Variants in CCDC60 observed in about 807,000 individuals in gnomAD.
CCDC60 encodes coiled-coil domain containing 60.
Under a neutral mutation model 63.5 loss-of-function variants are expected in CCDC60, and 54 were observed. That is an observed-to-expected ratio of 0.85 (90% CI 0.68 to 1.07). The LOEUF (loss-of-function observed/expected upper bound fraction) is 1.07, where lower values mean the gene tolerates loss of function less well. Among genes scored for constraint, CCDC60 ranks in the 50% least tolerant of loss-of-function variants. The pLI, the probability that CCDC60 is intolerant of heterozygous loss-of-function variation, is 0.00. For synonymous variants in CCDC60, 206 were observed against 238.8 expected (o/e 0.86, Z 1.27); for missense variants, 651 against 684.3 (o/e 0.95, Z 0.54).
chr12:119,397,054 T>C (rs746613568), intron 1 of CCDC60, among the ~76,000 whole-genome samples: 2 of 152,138 alleles, frequency 1.3e-5, no homozygotes, highest in Non-Finnish European at 2.9e-5. Context: ...TTACAGCTCT[T>C]AAAGGCAGGG....
At chr12:119,431,493 C>A (rs906250175) in intron 2 of CCDC60, among the ~76,000 whole-genome samples, 19 of 152,168 alleles carry the variant, frequency 1.2e-4, no homozygotes, top group Non-Finnish European at 2.1e-4. Context: ...ATCTTAGAAG[C>A]GGTTTAGGGA....
chr12:119,465,141 C>T (rs183215730), intron 2 of CCDC60, among the ~76,000 whole-genome samples: 43 of 151,970 alleles, frequency 2.8e-4, no homozygotes, highest in Admixed American at 2.6e-3. Context: ...GAAACCCCGT[C>T]TCTACTAAAA....
intron 1 of CCDC60, among the ~76,000 whole-genome samples, chr12:119,416,839 G>A (rs546436179): frequency 3.1e-4 from 47 of 152,166 alleles, no homozygotes; most frequent in African/African-American, 7.5e-4. Flanking sequence ...AGAGATTCCC[G>A]GCCGGTCGAC....
chr12:119,531,095 T>G (rs745608021), intron 13 of CCDC60, 32 bp downstream of exon 13: 1 of 1,587,068 alleles, frequency 6.3e-7, no homozygotes, highest in Non-Finnish European at 8.6e-7. Flanking sequence ...TCCACAGTGT[T>G]TCAGGTGTCC....
intron 1 of CCDC60, among the ~76,000 whole-genome samples, chr12:119,349,338 T>C (rs78222065): frequency 1.3e-5 from 1 of 74,508 alleles, no homozygotes; most frequent in East Asian, 2.2e-4. Context: ...GGCGTGTTCC[T>C]TTTTTTTTTT....
At chr12:119,369,784 C>G (rs533579608) in intron 1 of CCDC60, among the ~76,000 whole-genome samples, 4 of 152,280 alleles carry the variant, frequency 2.6e-5, no homozygotes, top group African/African-American at 9.6e-5. Flanking sequence ...TGCCTGCTGC[C>G]TCCCAGTACC....
At chr12:119,480,120 T>C (rs1240770885) in intron 4 of CCDC60, among the ~76,000 whole-genome samples, 2 of 152,174 alleles carry the variant, frequency 1.3e-5, no homozygotes, top group Middle Eastern at 6.3e-3. Flanking sequence ...GACTTCTCTG[T>C]CTGCTCATTT....
In CCDC60 at chr12:119,354,997, G is replaced by A. The variant is rs556410786; in HGVS notation, c.90+19731G>A. On this transcript the variant is annotated intron_variant, in intron 1 of 13. Transcript: ENST00000327554. ...CTTCCTATCCAAAATGGGAGGATAT[G>A]TAATGTTTTTGGCTATCAGGCACAG... Among the ~76,000 whole-genome samples the A allele has an allele frequency of 3.3e-5, 5 of 152,300 alleles. 1 individual carries two copies. The South Asian group carries it at 1.0e-3, about 32-fold the overall frequency.
At chr12:119,346,034 G>A (rs555356921) in intron 1 of CCDC60, among the ~76,000 whole-genome samples, 3 of 145,570 alleles carry the variant, frequency 2.1e-5, no homozygotes, top group African/African-American at 5.1e-5. Context: ...CATATTGCCC[G>A]GGCTGATCCC....
In CCDC60 at chr12:119,521,675, G is replaced by A. The variant is rs1052084243; in HGVS notation, c.1041-1264G>A. On this transcript the variant is annotated intron_variant, in intron 9 of 13. Transcript: ENST00000327554. ...GGGGCACAGAGTGAGACAGGCAGACGGGTTTTTTGTTGCTTATTTCTGTCT... is the reference window on the plus strand; with the variant it reads ...GGGGCACAGAGTGAGACAGGCAGACAGGTTTTTTGTTGCTTATTTCTGTCT... 5.9e-5 allele frequency among the ~76,000 whole-genome samples: 9 copies of A among 152,040 alleles called. No homozygotes were observed. The East Asian group carries it at 1.4e-3, about 23-fold the overall frequency.
In CCDC60 at chr12:119,456,001, G is replaced by GAGAAAGAAAGAAAGAA. The variant is rs753618585; in HGVS notation, c.171-15946_171-15931dup. Among the ~76,000 whole-genome samples the GAGAAAGAAAGAAAGAA allele has an allele frequency of 5.9e-5, 3 of 51,112 alleles. No homozygotes were observed. The highest frequency in any genetic ancestry group is 9.8e-5 in the African/African-American group (1 of 10,246). The allele number at this position is 51,112 out of a possible 152,430, so 33.5% of individuals were successfully genotyped here. ...AGGGAGAGAGAAAGAGAGAGAGAAA[G>GAGAAAGAAAGAAAGAA]AGAAAGAAAGAAAGAAAGAAAGAAA... On this transcript the variant is annotated intron_variant, in intron 2 of 13. Transcript: ENST00000327554. This position sits in a 1 kb window ranked among gnomAD's most constrained non-coding sequence, Gnocchi z 4.6.
chr12:119,523,090 A>G (rs979862583), intron 10 of CCDC60, 89 bp downstream of exon 10: 12 of 1,178,596 alleles, frequency 1.0e-5, no homozygotes, highest in Non-Finnish European at 1.5e-5. Context: ...AAATGACCCA[A>G]TGCAGACCAG....
chr12:119,370,936 G>A (rs1045621756), intron 1 of CCDC60, among the ~76,000 whole-genome samples: 2 of 152,170 alleles, frequency 1.3e-5, no homozygotes, highest in African/African-American at 2.4e-5. Flanking sequence ...AGAGGCTGAG[G>A]TGAGAGGATC....
At chr12:119,421,701 T>A (rs1451709299) in intron 1 of CCDC60, among the ~76,000 whole-genome samples, 1 of 152,112 alleles carries the variant, frequency 6.6e-6, no homozygotes, top group Non-Finnish European at 1.5e-5. Flanking sequence ...ATTTCACAGA[T>A]GGGGAAACTG....
chr12:119,352,959 A>T (rs1303012278), intron 1 of CCDC60, among the ~76,000 whole-genome samples: 1 of 71,732 alleles, frequency 1.4e-5, no homozygotes, highest in Non-Finnish European at 4.5e-5. Flanking sequence ...AATTAAAATT[A>T]AAAAAAAATA....
intron 11 of CCDC60, among the ~76,000 whole-genome samples, chr12:119,528,158 T>C (rs77951263): frequency 0.012 from 1,895 of 152,134 alleles, 33 homozygotes; most frequent in African/African-American, 0.043. Context: ...ATTTATAATA[T>C]AAAGTCTCAT....
At chr12:119,523,135 G>T in intron 10 of CCDC60, 134 bp downstream of exon 10, 1 of 831,822 alleles carries the variant, frequency 1.2e-6, no homozygotes, top group South Asian at 1.5e-5. Flanking sequence ...TGAAGGACAA[G>T]GGATCCCCCA....
rs59390346 is a variant in CCDC60 at position 119,336,268 on chromosome 12, C to A, written c.90+1002C>A. 2.3e-3 allele frequency among the ~76,000 whole-genome samples: 351 copies of A among 152,094 alleles called. 4 individuals are homozygous for A. In the East Asian group the frequency reaches 0.033, roughly 14 times the overall value. ...ATAATACAAAAAAAGGAATTAGCCT[C>A]GAAACCAACAAGGGAGAGGGAGAGA... On this transcript the variant is annotated intron_variant, in intron 1 of 13. Transcript: ENST00000327554.
chr12:119,536,040 G>A (rs1952995362), intron 13 of CCDC60, among the ~76,000 whole-genome samples: 1 of 152,120 alleles, frequency 6.6e-6, no homozygotes, highest in South Asian at 2.1e-4. Context: ...TTATTATTGT[G>A]TAGGAGTCTA....
Sources: allele counts gnomAD v4.1 joint callset (sites outside exome capture counted in the v4.1 genomes callset), GRCh38; gene constraint gnomAD v4.1.1; non-coding constraint Gnocchi (gnomAD v3.1); transcripts MANE v1.5; gene names NCBI Gene and HGNC (gene_info 2026-07-23, HGNC 2026-07-21).